The following RHOD variants were observed in gnomAD, a reference collection of about 807,000 sequenced individuals.
The protein encoded by RHOD is rho-related GTP-binding protein RhoD.
Under a neutral mutation model 16.7 loss-of-function variants are expected in RHOD, and 11 were observed. The observed-to-expected ratio is 0.66, with a 90% confidence interval of 0.41 to 1.09. The LOEUF (loss-of-function observed/expected upper bound fraction) is 1.09. Ranked by LOEUF, RHOD falls within the 50% of genes least tolerant of loss-of-function variation. RHOD has a pLI of 0.00. For synonymous variants in RHOD, 124 were observed against 126.3 expected, an observed-to-expected ratio of 0.98 and a Z score of 0.12; for missense variants, 271 against 291.7, an observed-to-expected ratio of 0.93 and a Z score of 0.52.
At chr11:67,064,105 CAAAAAAAAA>C (rs1280364068) in intron 1 of RHOD, among the ~76,000 whole-genome samples, 1 of 45,548 alleles carries the variant, frequency 2.2e-5, no homozygotes, top group Non-Finnish European at 4.6e-5. Flanking sequence ...GACTCCGTCT[CAAAAAAAAA>C]AAAAAAAAAA....
intron 2 of RHOD, 71 bp from the exon 3 acceptor site, chr11:67,066,667 C>T (rs1427838205): frequency 5.0e-6 from 5 of 1,003,332 alleles, no homozygotes; most frequent in Non-Finnish European, 6.4e-6. Flanking sequence ...ATGAGGTGAC[C>T]TCCTGACATT....
Position 67,071,447 on chromosome 11 carries a change from G to A in RHOD, c.478G>A (p.Ala160Thr). 6.3e-7 allele frequency: 1 copy of A among 1,594,838 alleles called. No homozygotes were observed. Among genetic ancestry groups the A allele is most frequent in the Non-Finnish European group, 8.5e-7 (1 of 1,171,690 alleles). Residue 160 changes from alanine to threonine, a missense_variant, in exon 5 of 5, where the codon GCG becomes ACG. Physicochemically the swap from Ala to Thr is moderately conservative, Grantham distance 58. Transcript: ENST00000308831. ...PVTYHRGQEMARSVGAVAYLE... is the reference protein window; with the variant it reads ...PVTYHRGQEMTRSVGAVAYLE... ...CCTCTCCCTCTAGGGCCAGGAGATG[G>A]CGAGGTCCGTGGGCGCGGTGGCCTA...
chr11:67,063,761 A>G (rs1270987827), intron 1 of RHOD, among the ~76,000 whole-genome samples: 6 of 133,488 alleles, frequency 4.5e-5, no homozygotes, highest in African/African-American at 1.7e-4. Flanking sequence ...AGATCACACC[A>G]TTGCACTCCA....
intron 1 of RHOD, among the ~76,000 whole-genome samples, chr11:67,061,062 C>T (rs61891305): frequency 0.019 from 2,902 of 152,350 alleles, 36 homozygotes; most frequent in East Asian, 0.061. Flanking sequence ...AATTGACTCA[C>T]AGTTCTGCAT....
intron 1 of RHOD, among the ~76,000 whole-genome samples, chr11:67,064,730 G>A (rs970825679): frequency 2.0e-5 from 3 of 152,176 alleles, no homozygotes; most frequent in Admixed American, 1.3e-4. Context: ...GTTGTTCTAG[G>A]AAGGGGGGAC....
chr11:67,064,182 G>A (rs1193567300), intron 1 of RHOD, among the ~76,000 whole-genome samples: 5 of 146,932 alleles, frequency 3.4e-5, no homozygotes, highest in Non-Finnish European at 7.5e-5. Flanking sequence ...CGAGGCGGGT[G>A]GATCACGAGG....
chr11:67,069,219 C>T (rs899892548), intron 3 of RHOD, among the ~76,000 whole-genome samples: 32 of 152,200 alleles, frequency 2.1e-4, no homozygotes, highest in Non-Finnish European at 1.0e-4. Flanking sequence ...AGCCCCCTCC[C>T]GGGATCCCCG....
chr11:67,057,384 C>G (rs1382320597), intron 1 of RHOD, among the ~76,000 whole-genome samples: 1 of 152,224 alleles, frequency 6.6e-6, no homozygotes, highest in Non-Finnish European at 1.5e-5. Context: ...GGCTTTGCCT[C>G]TTATAGCTGT....
At chr11:67,068,944 G>C (rs1256832814) in intron 3 of RHOD, among the ~76,000 whole-genome samples, 1 of 152,068 alleles carries the variant, frequency 6.6e-6, no homozygotes, top group African/African-American at 2.4e-5. Flanking sequence ...GAATGAGGTA[G>C]TTTGATGCCA....
At chr11:67,064,180 G>C (rs1038439814) in intron 1 of RHOD, among the ~76,000 whole-genome samples, 1 of 150,582 alleles carries the variant, frequency 6.6e-6, no homozygotes, top group Non-Finnish European at 1.5e-5. Context: ...GCCGAGGCGG[G>C]TGGATCACGA....
Position 67,066,000 on chromosome 11 carries a change from G to T in RHOD, c.220+17G>T, listed in dbSNP as rs59589410. ...ACACAGCAGGTGGGTGTGCAGGGGT[G>T]GGGCAGGGTGGGAGGGGCTTCTGTG... On this transcript the variant is annotated intron_variant, in intron 2 of 4. Transcript: ENST00000308831. 3 of 1,439,242 alleles carry T rather than the reference G, an allele frequency of 2.1e-6. No homozygotes were observed. The South Asian group carries it at 3.4e-5, about 17-fold the overall frequency. 89.2% of individuals were successfully genotyped at this position (1,439,242 alleles called of 1,614,324 possible).
chr11:67,064,445 T>C (rs1373899661), intron 1 of RHOD, among the ~76,000 whole-genome samples: 1 of 141,134 alleles, frequency 7.1e-6, no homozygotes, highest in Non-Finnish European at 1.5e-5. Flanking sequence ...AAAAAAACGG[T>C]AGAGGGGCGC....
intron 3 of RHOD, among the ~76,000 whole-genome samples, chr11:67,069,639 C>T (rs1855001114): frequency 6.6e-6 from 1 of 151,894 alleles, no homozygotes; most frequent in South Asian, 2.1e-4. Context: ...GGATTACAGG[C>T]GTGAGCCACC....
At chr11:67,070,654 G>A in intron 4 of RHOD, 95 bp downstream of exon 4, 1 of 1,472,724 alleles carries the variant, frequency 6.8e-7, no homozygotes, top group Non-Finnish European at 9.4e-7. Context: ...AACGCTCAGG[G>A]TGTAGGTCAG....
chr11:67,060,762 C>T (rs1213614688), intron 1 of RHOD, among the ~76,000 whole-genome samples: 1 of 152,214 alleles, frequency 6.6e-6, no homozygotes, highest in Non-Finnish European at 1.5e-5. Flanking sequence ...CACAGAAGAT[C>T]CTTAGAGAAT....
At chr11:67,067,205 T>C (rs1854969883) in intron 3 of RHOD, among the ~76,000 whole-genome samples, 1 of 152,138 alleles carries the variant, frequency 6.6e-6, no homozygotes. Context: ...CCAAGGTGCA[T>C]GAACAGTCAA....
intron 1 of RHOD, 55 bp downstream of exon 1, chr11:67,057,089 A>G: frequency 7.3e-7 from 1 of 1,374,554 alleles, no homozygotes; most frequent in Non-Finnish European, 9.3e-7. Flanking sequence ...CCGGGTGTAC[A>G]GGTCCGTGCC....
rs368038888 is a variant in RHOD, at chr11:67,070,030, T to G, written c.331-395T>G. Among the ~76,000 whole-genome samples, 116 of 152,198 alleles carry G rather than the reference T, an allele frequency of 7.6e-4. 3 individuals carry two copies. In the South Asian group the frequency reaches 0.023, roughly 31 times the overall value. ...AAGGATCCCTTACTTCCTTATATGTTTTGCTCAGTTTGGTGGGTGTCCATG... is the reference window on the plus strand; with the variant it reads ...AAGGATCCCTTACTTCCTTATATGTGTTGCTCAGTTTGGTGGGTGTCCATG... On this transcript the variant is annotated intron_variant, in intron 3 of 4. Coordinates refer to ENST00000308831, the MANE Select transcript of RHOD (RefSeq NM_014578.4).
In RHOD at chr11:67,070,604, G is replaced by A. The variant is rs1212877280; in HGVS notation, c.465+45G>A. 2.5e-6 allele frequency: 4 copies of A among 1,611,006 alleles called. No homozygotes were observed. The South Asian group carries it at 4.4e-5, about 18-fold the overall frequency. ...GTGGGAGTTGGGGAGGACTGAGTGA[G>A]GGGACCTCTGGATGCCTCTCAGTGG... is the stretch of plus-strand genomic sequence containing the variant. On this transcript the variant is annotated intron_variant, in intron 4 of 4. Coordinates refer to ENST00000308831, the MANE Select transcript of RHOD (RefSeq NM_014578.4).
Sources: gnomAD v4.1 joint callset for allele counts (sites outside exome capture counted in the v4.1 genomes callset) on GRCh38, gnomAD v4.1.1 for gene constraint, MANE v1.5 for transcripts, NCBI Gene and HGNC (gene_info 2026-07-23, HGNC 2026-07-21) for gene names.